PXN: variants seen among roughly 807,000 people sequenced by gnomAD.
PXN encodes the protein testicular tissue protein Li 134.
Under a neutral mutation model 103.6 loss-of-function variants are expected in PXN, and 61 were observed. That is an observed-to-expected ratio of 0.59 (90% CI 0.48 to 0.73). PXN has a LOEUF of 0.73. Among genes scored for constraint, PXN ranks in the 30% least tolerant of loss-of-function variants. PXN has a pLI of 0.00. For synonymous variants in PXN, 562 were observed against 607.8 expected, an observed-to-expected ratio of 0.92 and a Z score of 1.11; for missense variants, 1,274 against 1,460.3, an observed-to-expected ratio of 0.87 and a Z score of 2.08.
At chr12:120,238,876 G>T (rs1193031141) in intron 1 of PXN, among the ~76,000 whole-genome samples, 1 of 152,146 alleles carries the variant, frequency 6.6e-6, no homozygotes, top group Non-Finnish European at 1.5e-5. Flanking sequence ...AGCTATGTAT[G>T]GGGGGCACAG....
intron 1 of PXN, among the ~76,000 whole-genome samples, chr12:120,250,766 T>G (rs1358031879): frequency 1.3e-5 from 2 of 151,468 alleles, no homozygotes; most frequent in Admixed American, 6.6e-5. Context: ...CCATGAAGAG[T>G]CCTAAATCAC....
In PXN at chr12:120,215,242, G is replaced by A; in HGVS notation, c.2435C>T (p.Ser812Leu). 6.3e-7 allele frequency: 1 copy of A among 1,590,202 alleles called. No homozygotes were observed. The highest frequency in any genetic ancestry group is 8.6e-7 in the Non-Finnish European group (1 of 1,169,122). Residue 812 changes from serine (S) to leucine (L), a missense_variant, in exon 11 of 15, where the codon TCA becomes TTA. By Grantham distance (145) the Ser-to-Leu change is moderately radical. Around this residue, in one of 2 missense-constraint regions of PXN, gnomAD observed 1,178 missense variants for 1,309.0 expected, o/e 0.90. Coordinates refer to ENST00000637617, the MANE Select transcript of PXN (RefSeq NM_001385981.1). This position sits in a 1 kb window ranked among gnomAD's most constrained non-coding sequence, Gnocchi z 4.9. The part of the protein sequence containing the change: ...FMAQGKTGSS[S>L]PPGGPPKPGS... ...GGGCTTCGGGGGCCCCCCAGGGGGT[G>A]AGCTGCTCCCTGTCTTCCCCTGGGC...
chr12:120,217,887 C>T lies in PXN; in HGVS notation c.1717-771G>A, dbSNP rs1431560989. 5.3e-5 allele frequency among the ~76,000 whole-genome samples: 8 copies of T among 150,840 alleles called. No homozygotes were observed. The highest frequency in any genetic ancestry group is 2.1e-4 in the South Asian group (1 of 4,748). On this transcript the variant is annotated intron_variant, in intron 7 of 14. Coordinates refer to ENST00000637617, the MANE Select transcript of PXN (RefSeq NM_001385981.1). The surrounding 1 kb of genome is among the most constrained non-coding windows in gnomAD (Gnocchi z 4.1). ...TGCTGGGAATACAGGTGTGAGCCAC[C>T]GTGCTCAGCTAGCCAGGAACTTTTT...
In PXN at chr12:120,212,281, T is replaced by A; in HGVS notation, c.*33A>T. The A allele has an allele frequency of 6.3e-7, 1 of 1,599,130 alleles. No homozygotes were observed. The highest frequency in any genetic ancestry group is 8.5e-7 in the Non-Finnish European group (1 of 1,172,474). On this transcript the variant is annotated 3_prime_UTR_variant, in exon 15 of 15. Transcript: ENST00000637617. This position sits in a 1 kb window ranked among gnomAD's most constrained non-coding sequence, Gnocchi z 7.2. ...CACAGTCGCAGTTGGGGATGCTGGC[T>A]GGGGAAGGGGGGCAGAGACAGGGGC...
rs1212725128 is a variant in PXN, at chr12:120,214,414, A to G, written c.2749-197T>C. Among the ~76,000 whole-genome samples, 1 of 152,176 alleles carries G rather than the reference A, an allele frequency of 6.6e-6. No homozygotes were observed. Among genetic ancestry groups the G allele is most frequent in the South Asian group, 2.1e-4 (1 of 4,830 alleles). On this transcript the variant is annotated intron_variant, in intron 12 of 14. Transcript: ENST00000637617. The surrounding 1 kb of genome is among the most constrained non-coding windows in gnomAD (Gnocchi z 5.0). ...ACTCAGGATGGGACAAGCCAGACAC[A>G]TACCCTCTCCTCTACTCCTCACCCC...
Position 120,224,823 on chromosome 12 carries a change from A to C in PXN, c.14-446T>G. 2.3e-6 allele frequency: 1 copy of C among 436,218 alleles called. No individual in the cohort carries two copies. The highest frequency in any genetic ancestry group is 1.6e-5 in the South Asian group (1 of 63,384). The allele number at this position is 436,218 out of a possible 1,614,324, so 27.0% of individuals were successfully genotyped here. A position where few individuals can be genotyped will look rare whatever the true frequency, so the allele number is the denominator to read the frequency against. On this transcript the variant is annotated intron_variant, in intron 1 of 14. Coordinates refer to ENST00000637617, the MANE Select transcript of PXN (RefSeq NM_001385981.1). The surrounding 1 kb of genome is among the most constrained non-coding windows in gnomAD (Gnocchi z 5.0). ...GCCCTCACTTGATTTCTAAGAGCTT[A>C]GGCTTTCCCAGCCCCCGACTGGAAG... is the stretch of plus-strand genomic sequence containing the variant.
Position 120,220,731 on chromosome 12 carries a change from G to T in PXN, c.832-640C>A, listed in dbSNP as rs1363106320. ...GGAGCTGGAACTATAGCACGCAAGGGTCACAGGGCCAGGCTCAACCCTCCA... is the reference window on the plus strand; with the variant it reads ...GGAGCTGGAACTATAGCACGCAAGGTTCACAGGGCCAGGCTCAACCCTCCA... On this transcript the variant is annotated intron_variant, in intron 6 of 14. Transcript: ENST00000637617. The surrounding 1 kb of genome is among the most constrained non-coding windows in gnomAD (Gnocchi z 6.1). 2.6e-5 allele frequency among the ~76,000 whole-genome samples: 4 copies of T among 152,102 alleles called. No homozygotes were observed. Among genetic ancestry groups the T allele is most frequent in the Non-Finnish European group, 5.9e-5 (4 of 68,014 alleles).
chr12:120,254,043 G>A (rs1892619920), intron 1 of PXN, among the ~76,000 whole-genome samples: 3 of 152,086 alleles, frequency 2.0e-5, no homozygotes, highest in Non-Finnish European at 4.4e-5. Flanking sequence ...ACCACGCTTG[G>A]CTAATTTTTA....
At position 120,248,580 on chromosome 12, in the gene PXN, G is replaced by A. The variant is rs145246686; in HGVS notation, c.13+17037C>T. 714 of 151,956 alleles carry A rather than the reference G, an allele frequency of 4.7e-3. 6 individuals carry two copies. The highest frequency in any genetic ancestry group is 0.023 in the Middle Eastern group (7 of 302). The allele number at this position is 151,956 out of a possible 1,614,324, so 9.4% of individuals were successfully genotyped here. On this transcript the variant is annotated intron_variant, in intron 1 of 14. Coordinates refer to ENST00000637617, the MANE Select transcript of PXN (RefSeq NM_001385981.1). ...CTCTTCCCTCCTCCCCAGTGGCACC[G>A]CGTGGCATCACCCTCATTGGCGAGC...
Position 120,214,713 on chromosome 12 carries a change from G to T in PXN, c.2748+112C>A, listed in dbSNP as rs1881971376. 2 of 1,386,444 alleles carry T rather than the reference G, an allele frequency of 1.4e-6. No individual in the cohort carries two copies. The highest frequency in any genetic ancestry group is 2.0e-6 in the Non-Finnish European group (2 of 1,005,412). 85.9% of individuals were successfully genotyped at this position (1,386,444 alleles called of 1,614,324 possible). The stretch of plus-strand genomic sequence containing the variant: ...GCCCCACTGTTCCCTAGCCCTGTGA[G>T]CCTCGGGCATGTGACCTCTCTGAGC... On this transcript the variant is annotated intron_variant, in intron 12 of 14. Coordinates refer to ENST00000637617, the MANE Select transcript of PXN (RefSeq NM_001385981.1). The surrounding 1 kb of genome is among the most constrained non-coding windows in gnomAD (Gnocchi z 5.0).
At position 120,216,921 on chromosome 12, in the gene PXN, C is replaced by A. The variant is rs1883272461; in HGVS notation, c.1912G>T (p.Ala638Ser). ...EEPAEAAGPSAQDWLTEGVII... is the reference protein window; with the variant it reads ...EEPAEAAGPSSQDWLTEGVII... ...ACGCCCTCGGTCAGCCAGTCCTGGG[C>A]AGAGGGCCCCGCCGCCTCCGCCGGC... The change falls in exon 8 of 15, where the codon GCC becomes TCC. Residue 638 changes from alanine to serine, a missense_variant. Ala to Ser is a moderately conservative substitution (Grantham distance 99). Around this residue, in one of 2 missense-constraint regions of PXN, gnomAD observed 1,178 missense variants for 1,309.0 expected, o/e 0.90. Transcript: ENST00000637617. The surrounding 1 kb of genome is among the most constrained non-coding windows in gnomAD (Gnocchi z 5.1). 6.5e-7 allele frequency: 1 copy of A among 1,531,530 alleles called. No homozygotes were observed. Among genetic ancestry groups the A allele is most frequent in the Non-Finnish European group, 8.7e-7 (1 of 1,143,464 alleles). 94.9% of individuals were successfully genotyped at this position (1,531,530 alleles called of 1,614,324 possible).
rs1887401417 is a variant in PXN, at chr12:120,228,671, A to G, written c.14-4294T>C. Among the ~76,000 whole-genome samples, 1 of 152,194 alleles carries G rather than the reference A, an allele frequency of 6.6e-6. No individual in the cohort carries two copies. The highest frequency in any genetic ancestry group is 1.5e-5 in the Non-Finnish European group (1 of 68,026). ...CAAGGCTGAGCTGGAGGAACACAGC[A>G]AGCTAGTGGGAGGAACACAGGTAGC... On this transcript the variant is annotated intron_variant, in intron 1 of 14. Transcript: ENST00000637617. The surrounding 1 kb of genome is among the most constrained non-coding windows in gnomAD (Gnocchi z 4.7).
chr12:120,216,887 G>A lies in PXN; in HGVS notation c.1946C>T (p.Thr649Ile). Residue 649 changes from threonine (T) to isoleucine (I), a missense_variant, in exon 8 of 15, where the codon ACT (threonine) becomes ATT (isoleucine). Thr to Ile is a moderately conservative substitution (Grantham distance 89). Coordinates refer to ENST00000637617, the MANE Select transcript of PXN (RefSeq NM_001385981.1). The surrounding 1 kb of genome is among the most constrained non-coding windows in gnomAD (Gnocchi z 5.1). ...GGCCCGCTTCCCACGTGGCTGCACA[G>A]TGATGATGACGCCCTCGGTCAGCCA... is the stretch of plus-strand genomic sequence containing the variant. ...QDWLTEGVII[T>I]VQPRGKRAGG... is the part of the protein sequence containing the mutation. 2.0e-6 allele frequency: 3 copies of A among 1,519,720 alleles called. No individual in the cohort carries two copies. Among genetic ancestry groups the A allele is most frequent in the Non-Finnish European group, 2.6e-6 (3 of 1,138,986 alleles). 94.1% of individuals were successfully genotyped at this position (1,519,720 alleles called of 1,614,324 possible). A position where few individuals can be genotyped will look rare whatever the true frequency, so the allele number is the denominator to read the frequency against.
Position 120,216,125 on chromosome 12 carries a change from C to T in PXN, c.2301+148G>A. 7.8e-7 allele frequency: 1 copy of T among 1,281,262 alleles called. No homozygotes were observed. Among genetic ancestry groups the T allele is most frequent in the Non-Finnish European group, 9.8e-7 (1 of 1,016,344 alleles). The allele number at this position is 1,281,262 out of a possible 1,614,324, so 79.4% of individuals were successfully genotyped here. A position where few individuals can be genotyped will look rare whatever the true frequency, so the allele number is the denominator to read the frequency against. On this transcript the variant is annotated intron_variant, in intron 9 of 14. Coordinates refer to ENST00000637617, the MANE Select transcript of PXN (RefSeq NM_001385981.1). This position sits in a 1 kb window ranked among gnomAD's most constrained non-coding sequence, Gnocchi z 5.1. The stretch of plus-strand genomic sequence containing the variant: ...GGAAGACCGGGGTCAAGGTTTACGG[C>T]AGGACTGTGGTTACTGTGCTGGGGC...
In PXN at chr12:120,211,958, C is replaced by T. The variant is rs1354290276; in HGVS notation, c.*356G>A. ...GACCCTGCCTGCCCTTCCCTGCCCC[C>T]CGGCTGCACTGCTGAAATATGAGGA... On this transcript the variant is annotated 3_prime_UTR_variant, in exon 15 of 15. Transcript: ENST00000637617. 3.6e-6 allele frequency: 2 copies of T among 560,342 alleles called. No homozygotes were observed. Among genetic ancestry groups the T allele is most frequent in the Non-Finnish European group, 7.0e-6 (2 of 287,712 alleles). The allele number at this position is 560,342 out of a possible 1,614,324, so 34.7% of individuals were successfully genotyped here.
chr12:120,226,559 C>A, intron 1 of PXN: 1 of 1,213,256 alleles, frequency 8.2e-7, no homozygotes, highest in South Asian at 1.5e-5. Context: ...CCACCAAACA[C>A]CCGCTCCACC....
intron 1 of PXN, among the ~76,000 whole-genome samples, chr12:120,261,377 G>T (rs564175867): frequency 1.3e-5 from 2 of 152,214 alleles, no homozygotes; most frequent in South Asian, 4.2e-4. Context: ...TTTTAGTAGA[G>T]ATTGGGTTTC....
At chr12:120,241,275 A>G (rs953079414) in intron 1 of PXN, among the ~76,000 whole-genome samples, 1 of 152,134 alleles carries the variant, frequency 6.6e-6, no homozygotes, top group African/African-American at 2.4e-5. Context: ...CCTCATCTTC[A>G]CCTCAATCCC....
chr12:120,223,116 A>G, intron 3 of PXN, 117 bp from the exon 4 acceptor site: 2 of 1,529,134 alleles, frequency 1.3e-6, no homozygotes, highest in Non-Finnish European at 1.8e-6. Context: ...CTTCCCCCGC[A>G]AGAGGACAGA....
Sources: allele counts gnomAD v4.1 joint callset (sites outside exome capture counted in the v4.1 genomes callset), GRCh38; gene constraint gnomAD v4.1.1; regional missense constraint gnomAD v4.1.1; non-coding constraint Gnocchi (gnomAD v3.1); transcripts MANE v1.5; gene names NCBI Gene and HGNC (gene_info 2026-07-23, HGNC 2026-07-21).